P3H2: variants seen among roughly 807,000 people sequenced by gnomAD.
The protein encoded by P3H2 is prolyl 3-hydroxylase 2, also known as leprecan-like 1.
Under a neutral mutation model 87.0 loss-of-function variants are expected in P3H2, and 80 were observed. The observed-to-expected ratio is 0.92, with a 90% confidence interval of 0.77 to 1.11. The LOEUF (loss-of-function observed/expected upper bound fraction) is 1.11. P3H2 is among the 50% of genes least tolerant of loss of function. P3H2 has a pLI of 0.00. For synonymous variants in P3H2, 367 were observed against 359.3 expected (o/e 1.02, Z -0.24); for missense variants, 1,001 against 923.9 (o/e 1.08, Z -1.08).
At chr3:189,966,625 T>C (rs929265944) in intron 13 of P3H2, among the ~76,000 whole-genome samples, 4 of 152,246 alleles carry the variant, frequency 2.6e-5, no homozygotes, top group African/African-American at 9.6e-5. Flanking sequence ...GAAGTTTGGA[T>C]AAATGATTAT....
chr3:190,002,396 T>TTTTTC (rs1171269699), intron 1 of P3H2, among the ~76,000 whole-genome samples: 2 of 151,606 alleles, frequency 1.3e-5, no homozygotes, highest in Non-Finnish European at 2.9e-5. Flanking sequence ...CTTTCTTTCT[T>TTTTTC]TTTTCTTTTC....
chr3:189,963,607 G>C (rs1440850280), intron 14 of P3H2: 2 of 264,038 alleles, frequency 7.6e-6, no homozygotes, highest in Admixed American at 9.2e-5. Context: ...ACCACATCCA[G>C]CTAATTTTGT....
intron 1 of P3H2, among the ~76,000 whole-genome samples, chr3:190,118,737 T>C (rs1712394368): frequency 6.6e-6 from 1 of 151,924 alleles, no homozygotes; most frequent in Admixed American, 6.6e-5. Context: ...AGGGCAGAGA[T>C]CTTGTGGGAT....
rs114146093 is a variant in P3H2, at chr3:190,004,840, G to A, written c.481-9398C>T. On this transcript the variant is annotated intron_variant, in intron 1 of 14. Coordinates refer to ENST00000319332, the MANE Select transcript of P3H2 (RefSeq NM_018192.4). ...AAGGGGGAAAAACGTTGTCTTTCCC[G>A]AGTGACTCAATTAAAAAAAAAATTT... 4.7e-3 allele frequency among the ~76,000 whole-genome samples: 708 copies of A among 151,754 alleles called. 5 individuals carry two copies. The highest frequency in any genetic ancestry group is 0.016 in the African/African-American group (662 of 41,268).
chr3:189,958,031 C>A, intron 14 of P3H2, 27 bp from the exon 15 acceptor site: 1 of 1,524,494 alleles, frequency 6.6e-7, no homozygotes, highest in Non-Finnish European at 9.1e-7. Context: ...TTACACATTT[C>A]TGTTACAAGC....
At chr3:190,089,445 C>T (rs1267580142) in intron 1 of P3H2, among the ~76,000 whole-genome samples, 1 of 152,162 alleles carries the variant, frequency 6.6e-6, no homozygotes, top group African/African-American at 2.4e-5. Flanking sequence ...TTGTTTGAAA[C>T]AAGGGCAACA....
chr3:190,014,802 G>C (rs1724699640), intron 1 of P3H2, among the ~76,000 whole-genome samples: 1 of 152,040 alleles, frequency 6.6e-6, no homozygotes, highest in South Asian at 2.1e-4. Context: ...CCCGGCTGGT[G>C]CCTTCAGAGC....
chr3:189,986,080 T>C (rs1723686254), intron 6 of P3H2, among the ~76,000 whole-genome samples: 1 of 152,242 alleles, frequency 6.6e-6, no homozygotes, highest in Admixed American at 6.5e-5. Flanking sequence ...GATAGCATTG[T>C]GACTGATGAT....
At chr3:190,064,463 G>A (rs1278257069) in intron 1 of P3H2, among the ~76,000 whole-genome samples, 1 of 152,062 alleles carries the variant, frequency 6.6e-6, no homozygotes, top group African/African-American at 2.4e-5. Context: ...TGACTCTTCT[G>A]AATCTGAAGT....
At chr3:190,015,369 C>T (rs920225457) in intron 1 of P3H2, among the ~76,000 whole-genome samples, 10 of 152,158 alleles carry the variant, frequency 6.6e-5, no homozygotes, top group Admixed American at 3.9e-4. Flanking sequence ...GCTTAATCCA[C>T]TTTAGAAACT....
Position 189,976,157 on chromosome 3 carries a change from T to C in P3H2, c.1325-1472A>G, listed in dbSNP as rs113320859. Among the ~76,000 whole-genome samples the C allele has an allele frequency of 1.0e-2, 1,519 of 152,322 alleles. 23 individuals carry two copies. The highest frequency in any genetic ancestry group is 0.035 in the African/African-American group (1,446 of 41,562). The stretch of plus-strand genomic sequence containing the variant: ...GGTTCTTTTGAGCCAGGATTCCTTA[T>C]AGTACTGTTGGTGTGTAATTACTAT... On this transcript the variant is annotated intron_variant, in intron 8 of 14. Transcript: ENST00000319332.
At chr3:190,058,247 C>A (rs1260589731) in intron 1 of P3H2, among the ~76,000 whole-genome samples, 4 of 152,044 alleles carry the variant, frequency 2.6e-5, no homozygotes, top group African/African-American at 7.2e-5. Flanking sequence ...AGTCCTAGTT[C>A]TTTTTCAGTA....
chr3:190,107,026 T>C (rs1221230839), intron 1 of P3H2, among the ~76,000 whole-genome samples: 2 of 152,200 alleles, frequency 1.3e-5, no homozygotes, highest in African/African-American at 4.8e-5. Context: ...TTGATTTCAG[T>C]GACTTTTTAA....
chr3:190,088,301 T>C (rs1727293368), intron 1 of P3H2, among the ~76,000 whole-genome samples: 1 of 152,232 alleles, frequency 6.6e-6, no homozygotes, highest in African/African-American at 2.4e-5. Context: ...ATAATTCCCT[T>C]GGCAATATTA....
intron 1 of P3H2, among the ~76,000 whole-genome samples, chr3:190,027,548 C>T (rs887515211): frequency 1.3e-5 from 2 of 150,962 alleles, no homozygotes; most frequent in African/African-American, 4.9e-5. Context: ...AGGGCTTGTA[C>T]ATATTTGTTG....
At chr3:190,000,010 G>C (rs1053185217) in intron 1 of P3H2, among the ~76,000 whole-genome samples, 2 of 152,192 alleles carry the variant, frequency 1.3e-5, no homozygotes, top group Non-Finnish European at 2.9e-5. Context: ...AGTGAATGAG[G>C]TTCCTCTGAC....
At chr3:189,973,191 A>C in intron 10 of P3H2, 167 bp from the exon 11 acceptor site, 1 of 622,768 alleles carries the variant, frequency 1.6e-6, no homozygotes, top group Admixed American at 2.9e-5. Context: ...GTGCCATTGG[A>C]ATAAACTCTT....
At chr3:190,033,990 T>C (rs1317838891) in intron 1 of P3H2, among the ~76,000 whole-genome samples, 1 of 152,204 alleles carries the variant, frequency 6.6e-6, no homozygotes, top group East Asian at 1.9e-4. Flanking sequence ...CTTTTAGATA[T>C]TTACTTTCCT....
At chr3:189,997,109 C>T (rs1427445299) in intron 1 of P3H2, among the ~76,000 whole-genome samples, 1 of 152,134 alleles carries the variant, frequency 6.6e-6, no homozygotes, top group African/African-American at 2.4e-5. Flanking sequence ...GCAATCTCTG[C>T]CTCCAGGGTT....
Sources: gnomAD v4.1 joint callset for allele counts (sites outside exome capture counted in the v4.1 genomes callset) on GRCh38, gnomAD v4.1.1 for gene constraint, MANE v1.5 for transcripts, NCBI Gene and HGNC (gene_info 2026-07-23, HGNC 2026-07-21) for gene names.